Variants in TANC1 observed in about 807,000 individuals in gnomAD.
The protein encoded by TANC1 is protein TANC1.
A neutral mutation model predicts 149.7 loss-of-function variants in TANC1; 77 were observed. That is an observed-to-expected ratio of 0.51 (90% CI 0.43 to 0.62). The LOEUF (loss-of-function observed/expected upper bound fraction) is 0.62, where lower values mean the gene tolerates loss of function less well. Among genes scored for constraint, TANC1 ranks in the 20% least tolerant of loss-of-function variants. The pLI, the probability that TANC1 is intolerant of heterozygous loss-of-function variation, is 0.00. For missense variants in TANC1, 1,985 were observed against 2,321.8 expected, an observed-to-expected ratio of 0.85 and a Z score of 2.98; for synonymous variants, 854 against 925.0, an observed-to-expected ratio of 0.92 and a Z score of 1.39.
chr2:159,098,385 A>C (rs1186755371), intron 4 of TANC1, among the ~76,000 whole-genome samples: 2 of 152,228 alleles, frequency 1.3e-5, no homozygotes, highest in African/African-American at 4.8e-5. Flanking sequence ...TGATTTGTGA[A>C]GTACACTTGA....
chr2:159,110,709 T>C (rs1457250776), intron 4 of TANC1, among the ~76,000 whole-genome samples: 1 of 150,474 alleles, frequency 6.6e-6, no homozygotes, highest in African/African-American at 2.4e-5. Flanking sequence ...GTCGTGGTGG[T>C]TGCAATTTCC....
Position 159,193,050 on chromosome 2 carries a change from A to G in TANC1, c.2743-1207A>G, listed in dbSNP as rs74831474. On this transcript the variant is annotated intron_variant, in intron 16 of 26. Coordinates refer to ENST00000263635, the MANE Select transcript of TANC1 (RefSeq NM_033394.3). ...TCTGCAATTCAGTAGTGTTAACAAT[A>G]TTCACATTGTTGTGCGATAGATGTC... 5.5e-3 allele frequency among the ~76,000 whole-genome samples: 842 copies of G among 152,364 alleles called. 29 individuals are homozygous for G. In the East Asian group the frequency reaches 0.078, roughly 14 times the overall value.
At chr2:159,226,279 T>C (rs1280401512) in intron 24 of TANC1, 1 of 169,846 alleles carries the variant, frequency 5.9e-6, no homozygotes, top group Non-Finnish European at 1.2e-5. Flanking sequence ...TCTCTTTGTG[T>C]CTGAGAGCCA....
chr2:159,218,176 A>G (rs935082789), intron 20 of TANC1, among the ~76,000 whole-genome samples: 1 of 152,216 alleles, frequency 6.6e-6, no homozygotes, highest in African/African-American at 2.4e-5. Context: ...CAGTGACCAC[A>G]TACCTACCCT....
chr2:159,034,542 A>G (rs1278314407), intron 2 of TANC1, among the ~76,000 whole-genome samples: 2 of 152,176 alleles, frequency 1.3e-5, no homozygotes, highest in Non-Finnish European at 1.5e-5. Context: ...GGAGATTCTC[A>G]TGGGCCATGG....
chr2:159,019,570 T>G (rs977761041), intron 2 of TANC1, among the ~76,000 whole-genome samples: 1 of 151,644 alleles, frequency 6.6e-6, no homozygotes, highest in Non-Finnish European at 1.5e-5. Flanking sequence ...AGTTGGTACT[T>G]CTGGGCAGTT....
intron 19 of TANC1, among the ~76,000 whole-genome samples, chr2:159,200,658 A>G (rs545459570): frequency 5.3e-5 from 8 of 152,302 alleles, no homozygotes; most frequent in Non-Finnish European, 1.2e-4. Context: ...GACACACATG[A>G]GAAACAACAG....
At chr2:159,208,204 AG>A (rs781301262) in intron 19 of TANC1, among the ~76,000 whole-genome samples, 5 of 152,238 alleles carry the variant, frequency 3.3e-5, no homozygotes, top group Non-Finnish European at 5.9e-5. Flanking sequence ...ATGTATTGTC[AG>A]GGTTGTGATA....
chr2:159,122,952 TGGTCTC>T, intron 4 of TANC1, among the ~76,000 whole-genome samples: 2 of 152,286 alleles, frequency 1.3e-5, no homozygotes, highest in Middle Eastern at 6.8e-3. Flanking sequence ...GCCCTTTTAA[TGGTCTC>T]AGTGCAACCT....
intron 19 of TANC1, among the ~76,000 whole-genome samples, chr2:159,202,215 C>T (rs2150764634): frequency 6.6e-6 from 1 of 152,316 alleles, no homozygotes; most frequent in African/African-American, 2.4e-5. Context: ...CAGCCCTCCA[C>T]CCTTAGAGCC....
At chr2:159,117,092 G>T (rs1225556462) in intron 4 of TANC1, among the ~76,000 whole-genome samples, 3 of 152,160 alleles carry the variant, frequency 2.0e-5, no homozygotes, top group Non-Finnish European at 4.4e-5. Flanking sequence ...AGCAGTGTTT[G>T]CTGCTTTACC....
In TANC1 at chr2:159,149,242, C is replaced by T. The variant is rs1335739412; in HGVS notation, c.465C>T (p.His155=). The change falls in exon 6 of 27, where the codon CAC becomes CAT. Residue 155 remains histidine (H), a synonymous_variant. Coordinates refer to ENST00000263635, the MANE Select transcript of TANC1 (RefSeq NM_033394.3). ...LLGEGIPSAT[H]ITIEDKNETM... is the part of the protein sequence containing the mutation. ...GAGAAGGGATCCCAAGTGCCACACA[C>T]ATAACCATTGAAGACAAAAATGAAA... The T allele has an allele frequency of 2.5e-6, 4 of 1,614,122 alleles. No individual in the cohort carries two copies. The East Asian group carries it at 8.9e-5, about 36-fold the overall frequency.
At chr2:159,091,530 A>T (rs2045541751) in intron 3 of TANC1, among the ~76,000 whole-genome samples, 1 of 152,228 alleles carries the variant, frequency 6.6e-6, no homozygotes, top group African/African-American at 2.4e-5. Flanking sequence ...AACTTTGACA[A>T]TTAGAGAGGA....
At chr2:159,149,528 T>C in intron 6 of TANC1, 1 of 471,596 alleles carries the variant, frequency 2.1e-6, no homozygotes, top group Non-Finnish European at 3.9e-6. Flanking sequence ...AATGGCCACA[T>C]GAATTAAAGA....
intron 19 of TANC1, among the ~76,000 whole-genome samples, chr2:159,204,978 T>C (rs541250637): frequency 1.3e-5 from 2 of 152,302 alleles, no homozygotes; most frequent in South Asian, 2.1e-4. Flanking sequence ...TAATTCTGGA[T>C]GGAATTTTGG....
chr2:159,150,499 T>C lies in TANC1; in HGVS notation c.625T>C (p.Cys209Arg), dbSNP rs2052663659. 1 of 1,614,128 alleles carries C rather than the reference T, an allele frequency of 6.2e-7. No individual in the cohort carries two copies. The highest frequency in any genetic ancestry group is 8.5e-7 in the Non-Finnish European group (1 of 1,179,990). The change falls in exon 7 of 27, where the codon TGT (cysteine) becomes CGT (arginine). Residue 209 changes from cysteine (C) to arginine (R), a missense_variant. Physicochemically the swap from Cys to Arg is radical, Grantham distance 180. Around this residue, in one of 3 missense-constraint regions of TANC1, gnomAD observed 557 missense variants for 612.9 expected, o/e 0.91. Coordinates refer to ENST00000263635, the MANE Select transcript of TANC1 (RefSeq NM_033394.3). Reference sequence around the variant, plus strand: ...CAAGACGGCAGCCAACAAAAGTCCCTGTGAGACCATTAGCAGCCCTAGTTC... The same window carrying C: ...CAAGACGGCAGCCAACAAAAGTCCCCGTGAGACCATTAGCAGCCCTAGTTC... ...VSKTAANKSPCETISSPSSTL... is the reference protein window; with the variant it reads ...VSKTAANKSPRETISSPSSTL...
At chr2:159,191,978 T>C (rs1260606384) in intron 16 of TANC1, among the ~76,000 whole-genome samples, 1 of 152,156 alleles carries the variant, frequency 6.6e-6, no homozygotes, top group Non-Finnish European at 1.5e-5. Context: ...GGCATCTTAA[T>C]AGCTGTTAAA....
At chr2:159,053,943 G>C (rs1245924192) in intron 2 of TANC1, among the ~76,000 whole-genome samples, 5 of 152,158 alleles carry the variant, frequency 3.3e-5, no homozygotes, top group African/African-American at 1.2e-4. Context: ...CTGATAACTC[G>C]AGGGACTGTA....
Position 159,145,084 on chromosome 2 carries a change from C to T in TANC1, c.365-4058C>T, listed in dbSNP as rs542091638. Among the ~76,000 whole-genome samples, 6 of 152,220 alleles carry T rather than the reference C, an allele frequency of 3.9e-5. No individual in the cohort carries two copies. The East Asian group carries it at 5.8e-4, about 15-fold the overall frequency. On this transcript the variant is annotated intron_variant, in intron 5 of 26. Transcript: ENST00000263635. ...ATACTTGGTGATCACTAGGGACCTG[C>T]GCTCCTCCCCTGGCTTTAAACAAGA...
Sources: gnomAD v4.1 joint callset for allele counts (sites outside exome capture counted in the v4.1 genomes callset) on GRCh38, gnomAD v4.1.1 for gene constraint, gnomAD v4.1.1 regional missense constraint, MANE v1.5 for transcripts, NCBI Gene and HGNC (gene_info 2026-07-23, HGNC 2026-07-21) for gene names.